Variants in ACVR1 observed in about 807,000 individuals in gnomAD.
ACVR1 encodes the protein activin A receptor type 1, also known as activin receptor type-1.
Under a neutral mutation model 57.1 loss-of-function variants are expected in ACVR1, and 38 were observed. The observed-to-expected ratio is 0.67, with a 90% CI of 0.51 to 0.87. The LOEUF is 0.87. Ranked by LOEUF, ACVR1 falls within the 40% of genes least tolerant of loss-of-function variation. The pLI is 0.00. For missense variants in ACVR1, 463 were observed against 638.2 expected (o/e 0.73, Z 2.96); for synonymous variants, 212 against 228.1 (o/e 0.93, Z 0.63).
intron 1 of ACVR1, among the ~76,000 whole-genome samples, chr2:157,839,944 G>A (rs917091624): frequency 3.3e-5 from 5 of 152,062 alleles, no homozygotes; most frequent in African/African-American, 1.2e-4. Context: ...ACTGGGTCTG[G>A]GATACACCCC....
chr2:157,743,289 C>T (rs568270353), intron 9 of ACVR1, among the ~76,000 whole-genome samples: 1 of 152,282 alleles, frequency 6.6e-6, no homozygotes, highest in East Asian at 1.9e-4. Context: ...TACCACAACA[C>T]AGGGGCCTAG....
At chr2:157,807,498 G>T (rs1338932627) in intron 2 of ACVR1, among the ~76,000 whole-genome samples, 1 of 151,544 alleles carries the variant, frequency 6.6e-6, no homozygotes, top group South Asian at 2.1e-4. Flanking sequence ...CTGCTATTTT[G>T]CTACATTCTC....
intron 1 of ACVR1, among the ~76,000 whole-genome samples, chr2:157,819,010 G>A (rs1333017052): frequency 6.8e-6 from 1 of 146,588 alleles, no homozygotes; most frequent in South Asian, 2.2e-4. Flanking sequence ...CCCGGGAGGT[G>A]GAGCTTGCAG....
chr2:157,758,453 C>T (rs183778016), intron 9 of ACVR1, among the ~76,000 whole-genome samples: 1 of 152,110 alleles, frequency 6.6e-6, no homozygotes, highest in Non-Finnish European at 1.5e-5. Flanking sequence ...ATGCAGTTCA[C>T]ACCTGTGATG....
intron 1 of ACVR1, among the ~76,000 whole-genome samples, chr2:157,846,317 T>C (rs1689125513): frequency 6.6e-6 from 1 of 152,208 alleles, no homozygotes; most frequent in Non-Finnish European, 1.5e-5. Flanking sequence ...TGTTTCAAGA[T>C]ACTAAATTTG....
At chr2:157,766,636 A>C (rs1685870590) in intron 7 of ACVR1, among the ~76,000 whole-genome samples, 1 of 152,228 alleles carries the variant, frequency 6.6e-6, no homozygotes, top group African/African-American at 2.4e-5. Flanking sequence ...AATACTGGGC[A>C]ACTCAGTTAG....
Position 157,841,149 on chromosome 2 carries a change from C to G in ACVR1, c.-182-22590G>C, listed in dbSNP as rs1021510126. 5.9e-5 allele frequency among the ~76,000 whole-genome samples: 9 copies of G among 152,186 alleles called. 1 individual carries two copies. In the Middle Eastern group the frequency reaches 0.027, roughly 460 times the overall value. On this transcript the variant is annotated intron_variant, in intron 1 of 10. Transcript: ENST00000434821. Reference sequence around the variant, plus strand: ...CTCTTGTCCATACTTGGCTTCTAATCCCCAAAGATCAAAAAGTGGGGATAT... The same window carrying G: ...CTCTTGTCCATACTTGGCTTCTAATGCCCAAAGATCAAAAAGTGGGGATAT...
At chr2:157,828,749 T>C (rs1688481295) in intron 1 of ACVR1, among the ~76,000 whole-genome samples, 2 of 148,874 alleles carry the variant, frequency 1.3e-5, no homozygotes, top group African/African-American at 5.2e-5. Flanking sequence ...ACTCAGAGAT[T>C]AGTTTTTTGT....
chr2:157,816,808 C>A (rs1226751589), intron 2 of ACVR1, among the ~76,000 whole-genome samples: 1 of 152,182 alleles, frequency 6.6e-6, no homozygotes, highest in African/African-American at 2.4e-5. Context: ...ATCTGAGCAA[C>A]TCAAATGTTA....
chr2:157,795,280 C>T (rs1035363217), intron 3 of ACVR1, among the ~76,000 whole-genome samples: 4 of 151,802 alleles, frequency 2.6e-5, no homozygotes, highest in Non-Finnish European at 5.9e-5. Flanking sequence ...TGCTTTTTAA[C>T]CAAGGTTGAG....
chr2:157,760,860 A>G lies in ACVR1; in HGVS notation c.1264+20T>C, dbSNP rs1685618381. ...AGAGAACTTGGATTAAGACAATATT[A>G]TATTAGATTAGATACCTACCATTGC... On this transcript the variant is annotated intron_variant, in intron 9 of 10. Coordinates refer to ENST00000434821, the MANE Select transcript of ACVR1 (RefSeq NM_001111067.4). 1 of 1,611,954 alleles carries G rather than the reference A, an allele frequency of 6.2e-7. No homozygotes were observed. The highest frequency in any genetic ancestry group is 2.2e-5 in the East Asian group (1 of 44,830).
In ACVR1 at chr2:157,766,025, ATG is replaced by A. The variant is rs772046578; in HGVS notation, c.960_961del (p.Ile321ArgfsTer24). On this transcript the variant is annotated frameshift_variant, in exon 8 of 11. Coordinates refer to ENST00000434821, the MANE Select transcript of ACVR1 (RefSeq NM_001111067.4). LOFTEE classifies it high-confidence loss of function. The stretch of plus-strand genomic sequence containing the variant: ...TTTCCCTTGGGTCCCAAATATCTCT[ATG>A]TGCAAATGTGCAAGACCACTAGCTA... 6.2e-7 allele frequency: 1 copy of A among 1,614,004 alleles called. No homozygotes were observed.
At chr2:157,850,590 T>C (rs1689261401) in intron 1 of ACVR1, among the ~76,000 whole-genome samples, 1 of 152,066 alleles carries the variant, frequency 6.6e-6, no homozygotes, top group Non-Finnish European at 1.5e-5. Flanking sequence ...AACATATACA[T>C]CTAGACTTGA....
intron 1 of ACVR1, among the ~76,000 whole-genome samples, chr2:157,819,728 C>A (rs552077359): frequency 2.1e-5 from 3 of 144,988 alleles, no homozygotes; most frequent in East Asian, 3.9e-4. Context: ...GAGTACAAAG[C>A]GGAAGGGAAG....
At chr2:157,758,999 G>A (rs563237809) in intron 9 of ACVR1, among the ~76,000 whole-genome samples, 6 of 151,986 alleles carry the variant, frequency 3.9e-5, no homozygotes, top group Non-Finnish European at 8.8e-5. Flanking sequence ...AAAAGAATTG[G>A]TAACAGGGAA....
intron 1 of ACVR1, among the ~76,000 whole-genome samples, chr2:157,858,058 C>T (rs1689595374): frequency 6.6e-6 from 1 of 152,070 alleles, no homozygotes; most frequent in Non-Finnish European, 1.5e-5. Context: ...AAAAGTCACT[C>T]GATCTAGTGG....
At chr2:157,784,155 A>G (rs548446471) in intron 3 of ACVR1, among the ~76,000 whole-genome samples, 2 of 152,226 alleles carry the variant, frequency 1.3e-5, no homozygotes, top group Admixed American at 6.5e-5. Context: ...AGGAATAAGC[A>G]TAACATGTGT....
intron 2 of ACVR1, among the ~76,000 whole-genome samples, chr2:157,808,056 T>C (rs1156418640): frequency 6.6e-6 from 1 of 152,090 alleles, no homozygotes; most frequent in African/African-American, 2.4e-5. Flanking sequence ...TCCAAGCCCA[T>C]TCCTGTCTCA....
In ACVR1 at chr2:157,774,289, T is replaced by G. The variant is rs369294619; in HGVS notation, c.544-102A>C. ...TTGTAACTCACATGAAGGGCAGCAA[T>G]CCGGGACACGTGGCCTGTTAGTGTA... On this transcript the variant is annotated intron_variant, in intron 5 of 10. Coordinates refer to ENST00000434821, the MANE Select transcript of ACVR1 (RefSeq NM_001111067.4). 1.4e-4 allele frequency: 129 copies of G among 890,452 alleles called. 2 individuals are homozygous for G. The South Asian group carries it at 1.7e-3, about 12-fold the overall frequency. The allele number at this position is 890,452 out of a possible 1,614,324, so 55.2% of individuals were successfully genotyped here. A position where few individuals can be genotyped will look rare whatever the true frequency, so the allele number is the denominator to read the frequency against.
Sources: gnomAD v4.1 joint callset for allele counts (sites outside exome capture counted in the v4.1 genomes callset) on GRCh38, gnomAD v4.1.1 for gene constraint, MANE v1.5 for transcripts, NCBI Gene and HGNC (gene_info 2026-07-23, HGNC 2026-07-21) for gene names.